TJP2: variants seen among roughly 807,000 people sequenced by gnomAD.
The protein encoded by TJP2 is Friedreich ataxia region gene X104 (tight junction protein ZO-2).
Under a neutral mutation model 133.1 loss-of-function variants are expected in TJP2, and 91 were observed. That is an observed-to-expected ratio of 0.68 (90% confidence interval 0.58 to 0.81). The LOEUF (loss-of-function observed/expected upper bound fraction) is 0.81, where lower values mean the gene tolerates loss of function less well. Ranked by LOEUF, TJP2 falls within the 40% of genes least tolerant of loss-of-function variation. The pLI is 0.00. For synonymous variants in TJP2, 592 were observed against 583.4 expected (o/e 1.01, Z -0.21); for missense variants, 1,541 against 1,565.6 (o/e 0.98, Z 0.26).
At chr9:69,210,930 G>T (rs912479049) in intron 1 of TJP2, among the ~76,000 whole-genome samples, 2 of 152,046 alleles carry the variant, frequency 1.3e-5, no homozygotes, top group Non-Finnish European at 1.5e-5. Context: ...GTCTCACTAT[G>T]TTGCACAGGC....
rs142972297 is a variant in TJP2 at position 69,125,349 on chromosome 9, C to T, written c.-131+3624C>T. Among the ~76,000 whole-genome samples the T allele has an allele frequency of 4.4e-3, 268 of 61,044 alleles. 99 individuals carry two copies. Among genetic ancestry groups the T allele is most frequent in the African/African-American group, 0.013 (258 of 19,168 alleles). The allele number at this position is 61,044 out of a possible 152,430, so 40.0% of individuals were successfully genotyped here. ...TGAGATAGAGTCTAACTCTGTTATC[C>T]GGGTTGGAGTGCACTGGTGCCATCT... is the stretch of plus-strand genomic sequence containing the variant. On this transcript the variant is annotated intron_variant, in intron 1 of 5. Coordinates refer to the TJP2 transcript ENST00000423935.
chr9:69,233,511 G>C (rs890472937), intron 11 of TJP2, among the ~76,000 whole-genome samples: 1 of 152,170 alleles, frequency 6.6e-6, no homozygotes, highest in African/African-American at 2.4e-5. Flanking sequence ...GGTGGCTCAC[G>C]CATGTAATCC....
intron 1 of TJP2, among the ~76,000 whole-genome samples, chr9:69,199,105 A>G (rs951359319): frequency 2.6e-5 from 4 of 152,222 alleles, no homozygotes; most frequent in Non-Finnish European, 4.4e-5. Flanking sequence ...TCCTGGGGGC[A>G]GGTGGGGAAC....
chr9:69,201,493 C>T (rs1343745289), intron 1 of TJP2, among the ~76,000 whole-genome samples: 2 of 151,746 alleles, frequency 1.3e-5, no homozygotes, highest in African/African-American at 4.8e-5. Flanking sequence ...TCATGGAAAC[C>T]CTCCCTGGCC....
intron 19 of TJP2, 123 bp downstream of exon 19, chr9:69,248,347 C>T (rs1162281561): frequency 1.2e-5 from 17 of 1,453,394 alleles, no homozygotes; most frequent in Non-Finnish European, 1.5e-5. Context: ...AGATGACTTC[C>T]AGGGAGTCTC....
Position 69,237,871 on chromosome 9 carries a change from A to T in TJP2, c.2180-7A>T. On this transcript the variant is annotated splice_polypyrimidine_tract_variant and splice_region_variant and intron_variant, in intron 14 of 22. Coordinates refer to ENST00000377245, the MANE Select transcript of TJP2 (RefSeq NM_004817.4). ...GTATGCTTTAATGGCCTTTCTTGTC[A>T]TTTCAGCTGGTTTCAAGAGACCTGT... 1 of 1,610,346 alleles carries T rather than the reference A, an allele frequency of 6.2e-7. No homozygotes were observed. The highest frequency in any genetic ancestry group is 8.5e-7 in the Non-Finnish European group (1 of 1,176,708).
chr9:69,243,490 C>T (rs1170810498), intron 17 of TJP2, among the ~76,000 whole-genome samples: 13 of 152,224 alleles, frequency 8.5e-5, no homozygotes, highest in Admixed American at 8.5e-4. Flanking sequence ...TTAGGTTTGC[C>T]TCCCCTACTA....
At position 69,128,155 on chromosome 9, in the gene TJP2, A is replaced by G. The variant is rs1163333849; in HGVS notation, c.-131+6430A>G. ...TAGTTTGCTTATCCATTCATCCATTATGGGCATCTGGATTGTTTCTGCTTT... is the reference window on the plus strand; with the variant it reads ...TAGTTTGCTTATCCATTCATCCATTGTGGGCATCTGGATTGTTTCTGCTTT... On this transcript the variant is annotated intron_variant, in intron 1 of 5. Coordinates refer to the TJP2 transcript ENST00000423935. Among the ~76,000 whole-genome samples the G allele has an allele frequency of 5.2e-5, 4 of 77,044 alleles. 2 individuals carry two copies. The highest frequency in any genetic ancestry group is 3.8e-4 in the Admixed American group (2 of 5,328). 50.5% of individuals were successfully genotyped at this position (77,044 alleles called of 152,430 possible). A position where few individuals can be genotyped will look rare whatever the true frequency, so the allele number is the denominator to read the frequency against.
At chr9:69,228,180 C>T in intron 9 of TJP2, 66 bp downstream of exon 9, 1 of 1,550,240 alleles carries the variant, frequency 6.5e-7, no homozygotes, top group Non-Finnish European at 8.7e-7. Flanking sequence ...ACAGCCATAA[C>T]AAAGAGTGAA....
chr9:69,142,809 C>T (rs1017137783), intron 1 of TJP2, among the ~76,000 whole-genome samples: 1 of 152,074 alleles, frequency 6.6e-6, no homozygotes, highest in African/African-American at 2.4e-5. Context: ...GACTTAAAAG[C>T]TTTTTTTGGA....
chr9:69,248,571 G>T, intron 19 of TJP2: 2 of 1,202,626 alleles, frequency 1.7e-6, no homozygotes, highest in Non-Finnish European at 2.1e-6. Flanking sequence ...CTTTGATTAG[G>T]TTTCTCTCTG....
intron 1 of TJP2, among the ~76,000 whole-genome samples, chr9:69,193,333 T>G (rs1420479191): frequency 6.6e-6 from 1 of 152,096 alleles, no homozygotes; most frequent in Non-Finnish European, 1.5e-5. Flanking sequence ...CACCACCTAG[T>G]GGATAATACA....
chr9:69,236,741 A>G (rs780071128), intron 13 of TJP2, among the ~76,000 whole-genome samples: 1 of 152,130 alleles, frequency 6.6e-6, no homozygotes, highest in Admixed American at 6.6e-5. Context: ...TTGCTGAGCC[A>G]CTTCTGGGAG....
chr9:69,142,309 C>T (rs1392290778), intron 1 of TJP2, among the ~76,000 whole-genome samples: 1 of 152,146 alleles, frequency 6.6e-6, no homozygotes, highest in Non-Finnish European at 1.5e-5. Context: ...GGAGAGAAGG[C>T]TAGTTTGGGC....
At chr9:69,225,942 A>G (rs2133313430) in intron 6 of TJP2, 80 bp from the exon 7 acceptor site, 1 of 1,508,370 alleles carries the variant, frequency 6.6e-7, no homozygotes, top group Middle Eastern at 1.7e-4. Context: ...AAGCCTTTAC[A>G]TTTTTAGAAG....
intron 1 of TJP2, among the ~76,000 whole-genome samples, chr9:69,151,342 G>A (rs1823465724): frequency 6.6e-6 from 1 of 152,208 alleles, no homozygotes; most frequent in Non-Finnish European, 1.5e-5. Flanking sequence ...TTAGCCGGGC[G>A]TGGTGGCGCA....
chr9:69,138,516 C>T (rs1453115996), intron 1 of TJP2, among the ~76,000 whole-genome samples: 3 of 151,648 alleles, frequency 2.0e-5, no homozygotes, highest in East Asian at 3.9e-4. Context: ...CTTGTAATCC[C>T]AGCACTTTGG....
intron 1 of TJP2, among the ~76,000 whole-genome samples, chr9:69,192,256 TGG>T (rs1408108910): frequency 1.3e-5 from 2 of 151,396 alleles, no homozygotes; most frequent in African/African-American, 4.9e-5. Flanking sequence ...AAGACCAGCA[TGG>T]GCAACATAGC....
chr9:69,223,845 C>T (rs1829112145), intron 5 of TJP2, among the ~76,000 whole-genome samples: 1 of 152,208 alleles, frequency 6.6e-6, no homozygotes, highest in African/African-American at 2.4e-5. Context: ...ATCTGGCTGA[C>T]AAGTTTACCG....
Sources: gnomAD v4.1 joint callset for allele counts (sites outside exome capture counted in the v4.1 genomes callset) on GRCh38, gnomAD v4.1.1 for gene constraint, MANE v1.5 for transcripts, NCBI Gene and HGNC (gene_info 2026-07-23, HGNC 2026-07-21) for gene names.